Variants in CFAP299 observed in about 807,000 individuals in gnomAD.
The protein encoded by CFAP299 is cilia and flagella associated protein 299, also known as cilia- and flagella-associated protein 299.
Under a neutral mutation model 27.0 loss-of-function variants are expected in CFAP299, and 21 were observed. The observed-to-expected ratio is 0.78, with a 90% CI of 0.55 to 1.12. The LOEUF is 1.12. CFAP299 is among the 50% of genes most tolerant of loss of function. The pLI, the probability that CFAP299 is intolerant of heterozygous loss-of-function variation, is 0.00. For synonymous variants in CFAP299, 104 were observed against 98.1 expected (o/e 1.06, Z -0.36); for missense variants, 310 against 276.6 (o/e 1.12, Z -0.86).
chr4:80,707,007 C>A (rs1721860307), intron 3 of CFAP299, among the ~76,000 whole-genome samples: 1 of 151,842 alleles, frequency 6.6e-6, no homozygotes, highest in African/African-American at 2.4e-5. Context: ...CCAATAAAGG[C>A]TTTGTAGGAC....
chr4:80,390,656 CAT>C (rs558703086), intron 2 of CFAP299, among the ~76,000 whole-genome samples: 45 of 100,734 alleles, frequency 4.5e-4, no homozygotes, highest in South Asian at 2.0e-3. Flanking sequence ...TATGTACACA[CAT>C]ATGTATATAT....
chr4:80,605,053 C>T (rs1737583804), intron 3 of CFAP299, among the ~76,000 whole-genome samples: 1 of 152,104 alleles, frequency 6.6e-6, no homozygotes, highest in African/African-American at 2.4e-5. Context: ...AAAATGGGGG[C>T]TCACAAGGTA....
At chr4:80,626,230 A>T (rs986662544) in intron 3 of CFAP299, among the ~76,000 whole-genome samples, 1 of 152,000 alleles carries the variant, frequency 6.6e-6, no homozygotes, top group African/African-American at 2.4e-5. Context: ...ACATAAATTA[A>T]TTAGAGGAGA....
chr4:80,571,269 G>C (rs1735567824), intron 2 of CFAP299, among the ~76,000 whole-genome samples: 1 of 152,142 alleles, frequency 6.6e-6, no homozygotes, highest in East Asian at 1.9e-4. Flanking sequence ...TCATATTCAA[G>C]ATAAGGAAGT....
intron 4 of CFAP299, among the ~76,000 whole-genome samples, chr4:80,926,275 T>C (rs925879420): frequency 1.3e-5 from 2 of 152,020 alleles, no homozygotes; most frequent in African/African-American, 2.4e-5. Flanking sequence ...GAGGAGTTTG[T>C]GTGCTAAGCT....
chr4:80,331,406 T>C (rs144574035), upstream of CFAP299, among the ~76,000 whole-genome samples: 599 of 152,294 alleles, frequency 3.9e-3, 5 homozygotes, highest in Non-Finnish European at 6.2e-3. Flanking sequence ...AAACACTAAC[T>C]ACATTTTGAA....
At chr4:80,614,410 TAA>T (rs1314993255) in intron 3 of CFAP299, among the ~76,000 whole-genome samples, 2 of 152,194 alleles carry the variant, frequency 1.3e-5, no homozygotes, top group African/African-American at 4.8e-5. Context: ...GCACTAACTT[TAA>T]ACTAAGGCAC....
At chr4:80,739,513 C>T (rs1465269363) in intron 3 of CFAP299, among the ~76,000 whole-genome samples, 1 of 152,040 alleles carries the variant, frequency 6.6e-6, no homozygotes, top group Non-Finnish European at 1.5e-5. Flanking sequence ...ATGCCACTTT[C>T]TCTTGGCCTG....
At chr4:80,346,906 C>G (rs959444840) in intron 1 of CFAP299, among the ~76,000 whole-genome samples, 2 of 152,194 alleles carry the variant, frequency 1.3e-5, no homozygotes, top group African/African-American at 4.8e-5. Context: ...TATCCGTGAT[C>G]ATGGAATGTT....
At position 80,832,038 on chromosome 4, in the gene CFAP299, A is replaced by G. The variant is rs573962148; in HGVS notation, c.334-37955A>G. ...TCCAAATAAGGCTTCCATAGAAAAT[A>G]TGTGTCAGATTTGTTTTCCTGTGTC... On this transcript the variant is annotated intron_variant, in intron 3 of 5. Coordinates refer to ENST00000358105, the MANE Select transcript of CFAP299 (RefSeq NM_152770.3). Among the ~76,000 whole-genome samples, 301 of 152,274 alleles carry G rather than the reference A, an allele frequency of 2.0e-3. 2 individuals carry two copies. Among genetic ancestry groups the G allele is most frequent in the Non-Finnish European group, 3.7e-3 (251 of 68,004 alleles).
intron 3 of CFAP299, among the ~76,000 whole-genome samples, chr4:80,742,480 G>C (rs966808380): frequency 6.6e-6 from 1 of 152,116 alleles, no homozygotes; most frequent in Admixed American, 6.6e-5. Context: ...CCTCACAGAG[G>C]TTATATTCCA....
chr4:80,738,241 A>G (rs1224866662), intron 3 of CFAP299, among the ~76,000 whole-genome samples: 1 of 152,160 alleles, frequency 6.6e-6, no homozygotes. Flanking sequence ...TCTAATAGGT[A>G]CATTTGTTCT....
chr4:80,323,123 A>G, the CFAP299 span, among the ~76,000 whole-genome samples: 1 of 152,244 alleles, frequency 6.6e-6, no homozygotes, highest in Non-Finnish European at 1.5e-5. Flanking sequence ...GACAAATTTC[A>G]CCAGTAACAC....
intron 2 of CFAP299, among the ~76,000 whole-genome samples, chr4:80,529,520 A>G (rs1244272237): frequency 1.3e-5 from 2 of 152,162 alleles, no homozygotes; most frequent in African/African-American, 4.8e-5. Flanking sequence ...TGGTAAAGTT[A>G]GTTGGCTTTT....
At chr4:80,568,213 C>T (rs1322247025) in intron 2 of CFAP299, among the ~76,000 whole-genome samples, 2 of 151,312 alleles carry the variant, frequency 1.3e-5, no homozygotes, top group Non-Finnish European at 1.5e-5. Flanking sequence ...TATGTGTATG[C>T]TTCTAATTGG....
chr4:80,536,755 A>G (rs1733756356), intron 2 of CFAP299, among the ~76,000 whole-genome samples: 1 of 152,136 alleles, frequency 6.6e-6, no homozygotes, highest in Non-Finnish European at 1.5e-5. Context: ...TAACCATAAA[A>G]TGGTTCAAAG....
intron 3 of CFAP299, among the ~76,000 whole-genome samples, chr4:80,679,212 G>A (rs992636950): frequency 6.6e-6 from 1 of 151,984 alleles, no homozygotes; most frequent in Admixed American, 6.6e-5. Flanking sequence ...ATGACCTTGA[G>A]ATTCATCTGG....
chr4:80,327,690 T>TTATATA, the CFAP299 span, among the ~76,000 whole-genome samples: 1,419 of 50,966 alleles, frequency 0.028, 59 homozygotes, highest in Middle Eastern at 0.056. Flanking sequence ...TAGAGAGAAG[T>TTATATA]TATATATATA....
intron 1 of CFAP299, 89 bp downstream of exon 1, chr4:80,335,968 C>T: frequency 1.2e-6 from 1 of 827,618 alleles, no homozygotes; most frequent in Non-Finnish European, 2.1e-6. Context: ...CGCCCCCTGG[C>T]GCTGGACAGC....
Sources: allele counts gnomAD v4.1 joint callset (sites outside exome capture counted in the v4.1 genomes callset), GRCh38; gene constraint gnomAD v4.1.1; transcripts MANE v1.5; gene names NCBI Gene and HGNC (gene_info 2026-07-23, HGNC 2026-07-21).